The following TUSC3 variants were observed in gnomAD, a reference collection of about 807,000 sequenced individuals.
The protein encoded by TUSC3 is dolichyl-diphosphooligosaccharide--protein glycosyltransferase subunit TUSC3.
In TUSC3, 45 loss-of-function variants were observed where a neutral mutation model predicts 44.8. That is an observed-to-expected ratio of 1.00 (90% CI 0.79 to 1.29). The LOEUF is 1.29. Ranked by LOEUF, TUSC3 falls within the 50% of genes most tolerant of loss-of-function variation. The pLI, the probability that TUSC3 is intolerant of heterozygous loss-of-function variation, is 0.00. For synonymous variants in TUSC3, 212 were observed against 152.9 expected, an observed-to-expected ratio of 1.39 and a Z score of -2.85; for missense variants, 519 against 437.9, an observed-to-expected ratio of 1.19 and a Z score of -1.65.
chr8:15,760,701 A>C (rs768517915), intron 10 of TUSC3, among the ~76,000 whole-genome samples: 2 of 152,194 alleles, frequency 1.3e-5, no homozygotes, highest in Non-Finnish European at 2.9e-5. Context: ...CTGCTTTTGC[A>C]CTACGACAGT....
At chr8:15,424,707 C>T (rs1417396925) in intron 1 of TUSC3, among the ~76,000 whole-genome samples, 1 of 151,884 alleles carries the variant, frequency 6.6e-6, no homozygotes, top group East Asian at 2.0e-4. Flanking sequence ...GGTGAAACCC[C>T]GTCTCTACTA....
intron 2 of TUSC3, among the ~76,000 whole-genome samples, chr8:15,642,878 A>G (rs893024938): frequency 1.3e-5 from 2 of 152,218 alleles, no homozygotes; most frequent in African/African-American, 4.8e-5. Flanking sequence ...CATTGAATTA[A>G]TTCACCCATT....
intron 6 of TUSC3, among the ~76,000 whole-genome samples, chr8:15,729,634 T>C (rs1372375806): frequency 6.6e-6 from 1 of 152,114 alleles, no homozygotes; most frequent in Non-Finnish European, 1.5e-5. Flanking sequence ...GTACCACATC[T>C]TAACTTGTAA....
chr8:15,422,840 G>C (rs1254983076), intron 1 of TUSC3, among the ~76,000 whole-genome samples: 2 of 151,924 alleles, frequency 1.3e-5, no homozygotes, highest in Non-Finnish European at 2.9e-5. Context: ...ATGGGGTTTT[G>C]CCATGTTGTA....
rs368569745 is a variant in TUSC3 at position 15,718,038 on chromosome 8, T to TATTG, written c.799-12612_799-12609dup. Among the ~76,000 whole-genome samples the TATTG allele has an allele frequency of 6.6e-4, 101 of 152,252 alleles. 1 individual carries two copies. The highest frequency in any genetic ancestry group is 2.3e-3 in the African/African-American group (96 of 41,550). The stretch of plus-strand genomic sequence containing the variant: ...TGAAACAGAATATCTAAGTACTAGA[T>TATTG]ATTGATTGATTGATTGATTCAAAGA... On this transcript the variant is annotated intron_variant, in intron 6 of 10. Transcript: ENST00000503731.
At chr8:15,625,622 T>G (rs1407226153) in intron 2 of TUSC3, among the ~76,000 whole-genome samples, 1 of 152,228 alleles carries the variant, frequency 6.6e-6, no homozygotes, top group Non-Finnish European at 1.5e-5. Context: ...CCATGTTGTA[T>G]ATTCATTGTA....
chr8:15,611,147 A>G (rs1176552326), intron 1 of TUSC3, among the ~76,000 whole-genome samples: 1 of 152,132 alleles, frequency 6.6e-6, no homozygotes, highest in Non-Finnish European at 1.5e-5. Flanking sequence ...TAATTTTTAT[A>G]GTGTTCTGTA....
chr8:15,448,897 C>T (rs1186830539), intron 1 of TUSC3, among the ~76,000 whole-genome samples: 4 of 152,068 alleles, frequency 2.6e-5, no homozygotes, highest in Non-Finnish European at 2.9e-5. Flanking sequence ...CACCTAGTGA[C>T]GTAGCCATTA....
intron 6 of TUSC3, among the ~76,000 whole-genome samples, chr8:15,714,774 G>A (rs950033035): frequency 6.6e-6 from 1 of 152,128 alleles, no homozygotes; most frequent in African/African-American, 2.4e-5. Flanking sequence ...AAAGAAAGAT[G>A]TATATTAAAC....
chr8:15,799,377 GGACATTTT>G, the TUSC3 span, among the ~76,000 whole-genome samples: 1,990 of 152,236 alleles, frequency 0.013, 92 homozygotes, highest in Admixed American at 0.095. Flanking sequence ...AGAAAGGGGT[GGACATTTT>G]TGCTGGCCTA....
At chr8:15,443,896 T>C (rs1302638514) in intron 1 of TUSC3, among the ~76,000 whole-genome samples, 1 of 151,656 alleles carries the variant, frequency 6.6e-6, no homozygotes, top group Non-Finnish European at 1.5e-5. Flanking sequence ...ACCCGGGAAC[T>C]GACTCAGCCC....
chr8:15,512,820 GT>G lies in TUSC3; in HGVS notation n.189+29338del, dbSNP rs1563270794. ...TCAATAAATCCCATTCTGTCTTGGGGTGTGTGTGTGTGTGTATATATATTTG... is the reference window on the plus strand; with the variant it reads ...TCAATAAATCCCATTCTGTCTTGGGGGTGTGTGTGTGTGTATATATATTTG... On this transcript the variant is annotated intron_variant and non_coding_transcript_variant, in intron 2 of 5. Coordinates refer to the TUSC3 transcript ENST00000503191. Among the ~76,000 whole-genome samples, 12 of 784 alleles carry G rather than the reference GT, an allele frequency of 0.015. No homozygotes were observed. The Non-Finnish European group carries it at 0.26, about 17-fold the overall frequency. 0.5% of individuals were successfully genotyped at this position (784 alleles called of 152,430 possible). A position where few individuals can be genotyped will look rare whatever the true frequency, so the allele number is the denominator to read the frequency against.
chr8:15,591,730 G>A (rs1308002055), intron 1 of TUSC3, among the ~76,000 whole-genome samples: 1 of 152,162 alleles, frequency 6.6e-6, no homozygotes, highest in African/African-American at 2.4e-5. Flanking sequence ...TGTAGGGGAG[G>A]AATATTCTAG....
chr8:15,795,201 A>T, the TUSC3 span, among the ~76,000 whole-genome samples: 2 of 152,178 alleles, frequency 1.3e-5, no homozygotes, highest in Non-Finnish European at 2.9e-5. Context: ...CAGTTTCTGT[A>T]TCGACCTTTT....
the TUSC3 span, chr8:15,806,853 T>G: frequency 9.6e-7 from 1 of 1,040,384 alleles, no homozygotes; most frequent in Non-Finnish European, 1.5e-6. Flanking sequence ...TCTAGAGTCT[T>G]CATAGTTAAT....
the TUSC3 span, among the ~76,000 whole-genome samples, chr8:15,810,808 C>T: frequency 6.6e-6 from 1 of 152,230 alleles, no homozygotes; most frequent in South Asian, 2.1e-4. Flanking sequence ...TAAGGTCTTC[C>T]ATTGTCCAAA....
intron 1 of TUSC3, among the ~76,000 whole-genome samples, chr8:15,477,030 T>G (rs1292866984): frequency 6.6e-6 from 1 of 152,114 alleles, no homozygotes; most frequent in East Asian, 1.9e-4. Flanking sequence ...AAGCAACCCA[T>G]CAGAGGTACT....
rs1443090325 is a variant in TUSC3 at position 15,764,397 on chromosome 8, A to T, written c.*241A>T. 63 of 609,156 alleles carry T rather than the reference A, an allele frequency of 1.0e-4. 1 individual carries two copies. In the South Asian group the frequency reaches 1.2e-3, roughly 12 times the overall value. 37.7% of individuals were successfully genotyped at this position (609,156 alleles called of 1,614,324 possible). A position where few individuals can be genotyped will look rare whatever the true frequency, so the allele number is the denominator to read the frequency against. ...ACAGAAATCAATGGTAGCATTTAGT[A>T]ATCTACAAAGGAAATATCAAAGTGT... On this transcript the variant is annotated 3_prime_UTR_variant, in exon 11 of 11. Coordinates refer to ENST00000503731, the MANE Select transcript of TUSC3 (RefSeq NM_006765.4).
intron 1 of TUSC3, among the ~76,000 whole-genome samples, chr8:15,443,336 TTG>T (rs57905950): frequency 0.26 from 34,297 of 132,476 alleles, 4,184 homozygotes; most frequent in Non-Finnish European, 0.3. Context: ...ACCCACCTAA[TTG>T]TGTGTGTGTG....
Sources: gnomAD v4.1 joint callset for allele counts (sites outside exome capture counted in the v4.1 genomes callset) on GRCh38, gnomAD v4.1.1 for gene constraint, MANE v1.5 for transcripts, NCBI Gene and HGNC (gene_info 2026-07-23, HGNC 2026-07-21) for gene names.